The following MAL variants were observed in gnomAD, a reference collection of about 807,000 sequenced individuals.
MAL encodes myelin and lymphocyte protein.
A neutral mutation model predicts 16.7 loss-of-function variants in MAL; 5 were observed. The observed-to-expected ratio is 0.30, with a 90% confidence interval of 0.16 to 0.63. The LOEUF is 0.63. MAL is among the 30% of genes least tolerant of loss of function. The pLI, the probability that MAL is intolerant of heterozygous loss-of-function variation, is 0.82. For missense variants in MAL, 202 were observed against 195.8 expected, an observed-to-expected ratio of 1.03 and a Z score of -0.19; for synonymous variants, 96 against 85.5, an observed-to-expected ratio of 1.12 and a Z score of -0.67.
intron 1 of MAL, among the ~76,000 whole-genome samples, chr2:95,030,865 A>T (rs1437090199): frequency 6.6e-6 from 1 of 152,178 alleles, no homozygotes; most frequent in African/African-American, 2.4e-5. Context: ...CTAAAATGAC[A>T]CCTTTTCTGT....
intron 3 of MAL, 57 bp from the exon 4 acceptor site, chr2:95,053,324 C>A: frequency 8.4e-7 from 1 of 1,196,926 alleles, no homozygotes; most frequent in Non-Finnish European, 1.2e-6. Context: ...GCAGTGCAGA[C>A]GCTGTGCCTC....
intron 1 of MAL, among the ~76,000 whole-genome samples, chr2:95,043,203 C>G (rs762308027): frequency 6.6e-6 from 1 of 152,224 alleles, no homozygotes; most frequent in Admixed American, 6.5e-5. Context: ...CTCCAAGGCT[C>G]GACTGACCCT....
In MAL at chr2:95,053,758, C is replaced by A; in HGVS notation, c.*303C>A. On this transcript the variant is annotated 3_prime_UTR_variant, in exon 4 of 4. Transcript: ENST00000309988. ...TTGTTCGGGGGTGGGAAGTGGCGAC[C>A]GTGACCTGAGAAGGAAAGAAAGATC... 2.7e-6 allele frequency: 1 copy of A among 364,782 alleles called. No homozygotes were observed. The highest frequency in any genetic ancestry group is 5.1e-6 in the Non-Finnish European group (1 of 197,506). The allele number at this position is 364,782 out of a possible 1,614,324, so 22.6% of individuals were successfully genotyped here. A position where few individuals can be genotyped will look rare whatever the true frequency, so the allele number is the denominator to read the frequency against.
At chr2:95,031,785 G>A (rs1453505570) in intron 1 of MAL, among the ~76,000 whole-genome samples, 1 of 152,222 alleles carries the variant, frequency 6.6e-6, no homozygotes, top group Non-Finnish European at 1.5e-5. Context: ...GCTATTTAGA[G>A]AGGGCTACTG....
chr2:95,030,237 A>T (rs1304462157), intron 1 of MAL, among the ~76,000 whole-genome samples: 1 of 152,210 alleles, frequency 6.6e-6, no homozygotes, highest in Non-Finnish European at 1.5e-5. Context: ...AGGAAGTGAG[A>T]CTGCCTTTCC....
intron 1 of MAL, among the ~76,000 whole-genome samples, chr2:95,043,872 C>T (rs1370992141): frequency 6.6e-6 from 1 of 152,210 alleles, no homozygotes; most frequent in Non-Finnish European, 1.5e-5. Context: ...TGGGAGCAAA[C>T]CCCTGGCTTT....
intron 1 of MAL, among the ~76,000 whole-genome samples, chr2:95,039,372 C>CTGAGTGAG: frequency 1.5e-5 from 1 of 68,572 alleles, no homozygotes; most frequent in Non-Finnish European, 2.9e-5. Context: ...GACTGAGTAA[C>CTGAGTGAG]TGAGTGAGTG....
At chr2:95,053,101 A>G (rs1191140313) in intron 3 of MAL, 4 of 371,436 alleles carry the variant, frequency 1.1e-5, no homozygotes, top group Non-Finnish European at 1.9e-5. Context: ...GTCAGCCGAA[A>G]CCTCAAGCTG....
chr2:95,050,530 A>T (rs1190334076), intron 3 of MAL, among the ~76,000 whole-genome samples: 1 of 152,254 alleles, frequency 6.6e-6, no homozygotes, highest in African/African-American at 2.4e-5. Context: ...AAGCTGTGTC[A>T]TCCCCTCTTT....
intron 2 of MAL, among the ~76,000 whole-genome samples, chr2:95,049,375 A>T (rs370840430): frequency 3.9e-5 from 6 of 152,058 alleles, no homozygotes; most frequent in African/African-American, 1.4e-4. Context: ...TCCCATCCCC[A>T]GCAAAGTGCT....
intron 1 of MAL, among the ~76,000 whole-genome samples, chr2:95,031,103 C>A (rs142850733): frequency 1.3e-5 from 2 of 152,354 alleles, no homozygotes; most frequent in African/African-American, 4.8e-5. Flanking sequence ...ACTTTCAGAG[C>A]TGGCAGGGAA....
At chr2:95,034,784 T>C (rs575395740) in intron 1 of MAL, among the ~76,000 whole-genome samples, 1 of 152,282 alleles carries the variant, frequency 6.6e-6, no homozygotes, top group South Asian at 2.1e-4. Context: ...GTGGGAATGC[T>C]TCTTTGTTGG....
At chr2:95,039,463 GGTGA>G (rs1415135698) in intron 1 of MAL, among the ~76,000 whole-genome samples, 19 of 93,096 alleles carry the variant, frequency 2.0e-4, no homozygotes, top group Admixed American at 4.7e-4. Flanking sequence ...TGAGTGAGTG[GGTGA>G]GTGAGTGAGT....
At chr2:95,042,260 C>T (rs1674485438) in intron 1 of MAL, among the ~76,000 whole-genome samples, 1 of 152,176 alleles carries the variant, frequency 6.6e-6, no homozygotes, top group Admixed American at 6.5e-5. Flanking sequence ...GGAGCCGTTT[C>T]CTCTTCTGTC....
intron 2 of MAL, among the ~76,000 whole-genome samples, chr2:95,048,873 G>A (rs1674650303): frequency 6.6e-6 from 1 of 152,192 alleles, no homozygotes; most frequent in African/African-American, 2.4e-5. Flanking sequence ...CTGGAGTGCA[G>A]TGGCGCAATC....
At chr2:95,049,534 C>T (rs766878872) in intron 2 of MAL, 47 bp from the exon 3 acceptor site, 1 of 1,608,356 alleles carries the variant, frequency 6.2e-7, no homozygotes, top group Non-Finnish European at 8.5e-7. Context: ...TGCATCTGGG[C>T]CCCGTCTCTC....
chr2:95,026,875 T>C (rs1673955134), intron 1 of MAL, among the ~76,000 whole-genome samples: 2 of 151,944 alleles, frequency 1.3e-5, no homozygotes, highest in Admixed American at 1.3e-4. Flanking sequence ...TGTTTAAAAA[T>C]TGGACCCCAG....
intron 1 of MAL, among the ~76,000 whole-genome samples, chr2:95,035,495 A>G (rs895650412): frequency 3.3e-5 from 5 of 151,958 alleles, no homozygotes; most frequent in African/African-American, 1.2e-4. Flanking sequence ...CCTCTAGCTC[A>G]TGAGGGAGGT....
chr2:95,046,741 T>G (rs1259631767), intron 1 of MAL, among the ~76,000 whole-genome samples: 1 of 152,012 alleles, frequency 6.6e-6, no homozygotes, highest in Non-Finnish European at 1.5e-5. Context: ...GGTTACTCCA[T>G]TCCAACTCCA....
Sources: allele counts gnomAD v4.1 joint callset (sites outside exome capture counted in the v4.1 genomes callset), GRCh38; gene constraint gnomAD v4.1.1; transcripts MANE v1.5; gene names NCBI Gene and HGNC (gene_info 2026-07-23, HGNC 2026-07-21).